RYR3: variants seen among roughly 807,000 people sequenced by gnomAD.
The protein encoded by RYR3 is ryanodine receptor 3.
Under a neutral mutation model 584.3 loss-of-function variants are expected in RYR3, and 207 were observed. That is an observed-to-expected ratio of 0.35 (90% CI 0.32 to 0.40). The LOEUF (loss-of-function observed/expected upper bound fraction) is 0.40. Ranked by LOEUF, RYR3 falls within the 10% of genes least tolerant of loss-of-function variation. The probability of loss-of-function intolerance (pLI) is 1.00; values close to 1 mark genes in which losing one functional copy is unlikely to be tolerated. For missense variants in RYR3, 5,616 were observed against 6,089.2 expected (o/e 0.92, Z 2.59); for synonymous variants, 2,416 against 2,248.5 (o/e 1.07, Z -2.11).
chr15:33,488,592 G>A (rs750979445), intron 2 of RYR3, among the ~76,000 whole-genome samples: 6 of 152,014 alleles, frequency 3.9e-5, no homozygotes, highest in Non-Finnish European at 8.8e-5. Flanking sequence ...GGTGGCTGAT[G>A]CCTGTAATCC....
At chr15:33,678,517 A>C (rs1446907965) in intron 38 of RYR3, among the ~76,000 whole-genome samples, 1 of 152,204 alleles carries the variant, frequency 6.6e-6, no homozygotes, top group Non-Finnish European at 1.5e-5. Flanking sequence ...TCTCTTCTTC[A>C]TAAATTATGC....
chr15:33,711,531 C>A (rs544229856), intron 43 of RYR3, among the ~76,000 whole-genome samples: 5 of 152,184 alleles, frequency 3.3e-5, no homozygotes, highest in Admixed American at 1.3e-4. Flanking sequence ...GCATGAGCCA[C>A]CGCACCCGGC....
At chr15:33,695,840 C>T (rs918514571) in intron 38 of RYR3, among the ~76,000 whole-genome samples, 3 of 151,192 alleles carry the variant, frequency 2.0e-5, no homozygotes, top group Non-Finnish European at 4.4e-5. Context: ...GGCTGCAGTG[C>T]AGTGATGCAG....
intron 16 of RYR3, among the ~76,000 whole-genome samples, chr15:33,587,957 G>A (rs1016167407): frequency 6.6e-6 from 1 of 152,174 alleles, no homozygotes; most frequent in African/African-American, 2.4e-5. Context: ...GTTGTCTCCA[G>A]TCCTAGAATT....
At chr15:33,509,115 T>C (rs2052740966) in intron 3 of RYR3, among the ~76,000 whole-genome samples, 1 of 152,188 alleles carries the variant, frequency 6.6e-6, no homozygotes, top group African/African-American at 2.4e-5. Context: ...TAGTGACAGG[T>C]GGCAACATCA....
rs761284635 is a variant in RYR3 at position 33,578,308 on chromosome 15, A to T, written c.1269-1668A>T. Among the ~76,000 whole-genome samples the T allele has an allele frequency of 3.3e-5, 5 of 152,192 alleles. No homozygotes were observed. The South Asian group carries it at 8.3e-4, about 25-fold the overall frequency. On this transcript the variant is annotated intron_variant, in intron 12 of 103. Transcript: ENST00000634891. The stretch of plus-strand genomic sequence containing the variant: ...TTCTGTTATAAAGATACAGGTACAC[A>T]TATGTTCGCTGAAGCTCTAGGCACA...
chr15:33,606,276 CAT>C (rs1428775848), intron 18 of RYR3, among the ~76,000 whole-genome samples: 21 of 152,180 alleles, frequency 1.4e-4, no homozygotes, highest in African/African-American at 4.8e-4. Flanking sequence ...CCCTGACACA[CAT>C]TAGATAGACA....
intron 1 of RYR3, among the ~76,000 whole-genome samples, chr15:33,350,272 G>A (rs1246713152): frequency 2.6e-5 from 4 of 152,084 alleles, no homozygotes; most frequent in Non-Finnish European, 5.9e-5. Context: ...AGTCCTGAGT[G>A]ACCTACAAAG....
rs553275391 is a variant in RYR3, at chr15:33,313,630, C to A, written c.51+2534C>A. On this transcript the variant is annotated intron_variant, in intron 1 of 103. Transcript: ENST00000634891. Reference sequence around the variant, plus strand: ...CTCAGTTACCTTTGCCTTAGGCTTTCTTTCTCCTCCCCAGACAACACCTTT... The same window carrying A: ...CTCAGTTACCTTTGCCTTAGGCTTTATTTCTCCTCCCCAGACAACACCTTT... Among the ~76,000 whole-genome samples, 4 of 152,296 alleles carry A rather than the reference C, an allele frequency of 2.6e-5. No individual in the cohort carries two copies. The South Asian group carries it at 8.3e-4, about 32-fold the overall frequency.
chr15:33,727,819 C>T (rs1190152294), intron 46 of RYR3, among the ~76,000 whole-genome samples: 1 of 152,200 alleles, frequency 6.6e-6, no homozygotes, highest in African/African-American at 2.4e-5. Context: ...TGGGGGTCCT[C>T]TTTCCTAGTT....
intron 1 of RYR3, among the ~76,000 whole-genome samples, chr15:33,331,374 C>A (rs1484205524): frequency 1.4e-4 from 21 of 152,064 alleles, no homozygotes; most frequent in Admixed American, 1.4e-3. Context: ...CACTAATGTT[C>A]TTATAAGGTA....
chr15:33,583,007 G>T lies in RYR3; in HGVS notation c.1573+1364G>T, dbSNP rs543161005. Among the ~76,000 whole-genome samples the T allele has an allele frequency of 7.9e-5, 12 of 151,248 alleles. No individual in the cohort carries two copies. The South Asian group carries it at 2.5e-3, about 32-fold the overall frequency. On this transcript the variant is annotated intron_variant, in intron 14 of 103. Coordinates refer to ENST00000634891, the MANE Select transcript of RYR3 (RefSeq NM_001036.6). ...AGAGAAGGTTATTTGGTGTAGATTG[G>T]TAAAACTCAAATGACAGCATATTTT...
At chr15:33,585,287 A>G (rs981208702) in intron 15 of RYR3, among the ~76,000 whole-genome samples, 3 of 152,174 alleles carry the variant, frequency 2.0e-5, no homozygotes, top group Non-Finnish European at 4.4e-5. Context: ...ACTTATGAAA[A>G]CATTGAGAAA....
At chr15:33,514,088 G>A (rs554867930) in intron 3 of RYR3, among the ~76,000 whole-genome samples, 1 of 152,208 alleles carries the variant, frequency 6.6e-6, no homozygotes, top group African/African-American at 2.4e-5. Flanking sequence ...ACTGAAACCC[G>A]GATAGTCAAT....
chr15:33,353,928 G>A (rs1973618487), intron 1 of RYR3, among the ~76,000 whole-genome samples: 1 of 152,118 alleles, frequency 6.6e-6, no homozygotes, highest in South Asian at 2.1e-4. Context: ...TTAACTCTGG[G>A]GAATGGAAAA....
At chr15:33,465,360 C>T (rs2048397447) in intron 1 of RYR3, among the ~76,000 whole-genome samples, 1 of 151,890 alleles carries the variant, frequency 6.6e-6, no homozygotes, top group Admixed American at 6.6e-5. Context: ...TTTTGAAAAC[C>T]CACCTTGCTG....
At chr15:33,431,133 A>G (rs2045105936) in intron 1 of RYR3, among the ~76,000 whole-genome samples, 1 of 152,222 alleles carries the variant, frequency 6.6e-6, no homozygotes, top group Non-Finnish European at 1.5e-5. Flanking sequence ...TTAAGAGGTG[A>G]GTTAGAAGTA....
At chr15:33,862,864 G>C (rs557785571) in intron 102 of RYR3, among the ~76,000 whole-genome samples, 2 of 152,224 alleles carry the variant, frequency 1.3e-5, no homozygotes, top group African/African-American at 2.4e-5. Context: ...ACCTGCCTTG[G>C]CCTCAGCCTC....
chr15:33,579,918 T>C, intron 12 of RYR3, 58 bp from the exon 13 acceptor site: 2 of 1,413,218 alleles, frequency 1.4e-6, no homozygotes, highest in Non-Finnish European at 1.9e-6. Flanking sequence ...CCAGTGGGTG[T>C]TCATCAGGGC....
Sources: allele counts gnomAD v4.1 joint callset (sites outside exome capture counted in the v4.1 genomes callset), GRCh38; gene constraint gnomAD v4.1.1; transcripts MANE v1.5; gene names NCBI Gene and HGNC (gene_info 2026-07-23, HGNC 2026-07-21).